The following ZC3H12C variants were observed in gnomAD, a reference collection of about 807,000 sequenced individuals.
The protein encoded by ZC3H12C is zinc finger CCCH-type containing 12C.
ZC3H12C carries 20 observed loss-of-function variants against 76.3 expected under a neutral mutation model. That is an observed-to-expected ratio of 0.26 (90% CI 0.18 to 0.38). The LOEUF is 0.38. Ranked by LOEUF, ZC3H12C falls within the 10% of genes least tolerant of loss-of-function variation. The pLI, the probability that ZC3H12C is intolerant of heterozygous loss-of-function variation, is 1.00. For missense variants in ZC3H12C, 874 were observed against 1,086.5 expected (o/e 0.80, Z 2.75); for synonymous variants, 352 against 399.6 (o/e 0.88, Z 1.42).
intron 1 of ZC3H12C, among the ~76,000 whole-genome samples, chr11:110,129,717 G>A (rs1861824811): frequency 6.6e-6 from 1 of 152,094 alleles, no homozygotes; most frequent in African/African-American, 2.4e-5. Flanking sequence ...GTGCGTGCTT[G>A]TGTTCTACAT....
intron 1 of ZC3H12C, among the ~76,000 whole-genome samples, chr11:110,111,604 T>C (rs1314019474): frequency 8.7e-5 from 13 of 149,312 alleles, no homozygotes; most frequent in African/African-American, 3.2e-4. Context: ...CGATCACGGC[T>C]CACTGCAGCC....
At chr11:110,120,889 G>C (rs1861639951) in intron 1 of ZC3H12C, among the ~76,000 whole-genome samples, 1 of 152,188 alleles carries the variant, frequency 6.6e-6, no homozygotes, top group Non-Finnish European at 1.5e-5. Flanking sequence ...AGTGTTTCAG[G>C]TATGGCTGAG....
At chr11:110,134,476 G>T (rs1455983695) in intron 1 of ZC3H12C, among the ~76,000 whole-genome samples, 1 of 145,248 alleles carries the variant, frequency 6.9e-6, no homozygotes. Flanking sequence ...TTTCTTAACT[G>T]TATCCCTTTA....
At chr11:110,158,489 G>A (rs1467657996) in intron 3 of ZC3H12C, among the ~76,000 whole-genome samples, 3 of 151,580 alleles carry the variant, frequency 2.0e-5, no homozygotes, top group East Asian at 3.9e-4. Flanking sequence ...CAGCCTGGGC[G>A]ATAGACCAAG....
At chr11:110,131,336 T>G (rs11213282) in intron 1 of ZC3H12C, 11,066 of 539,860 alleles carry the variant, frequency 0.02, 966 homozygotes, top group Admixed American at 0.2. Flanking sequence ...TTCATGAACA[T>G]TTATAAGGCA....
chr11:110,122,965 T>C (rs1037121571), intron 1 of ZC3H12C, among the ~76,000 whole-genome samples: 3 of 152,194 alleles, frequency 2.0e-5, no homozygotes, highest in East Asian at 3.8e-4. Flanking sequence ...AAAGGGATAA[T>C]GCACATCCTG....
chr11:110,127,890 A>ACT (rs1861781179), intron 1 of ZC3H12C, among the ~76,000 whole-genome samples: 2 of 145,830 alleles, frequency 1.4e-5, no homozygotes, highest in Non-Finnish European at 3.0e-5. Flanking sequence ...AGTGAGACTT[A>ACT]CTCTCAAAAA....
In ZC3H12C at chr11:110,098,480, G is replaced by C. The variant is rs150035903; in HGVS notation, c.21+5048G>C. ...GGTAGCCTAAGTGTAGAGTGTTTATGAAATCTACAGTAATGTACACTAATA... is the reference window on the plus strand; with the variant it reads ...GGTAGCCTAAGTGTAGAGTGTTTATCAAATCTACAGTAATGTACACTAATA... On this transcript the variant is annotated intron_variant, in intron 1 of 5. Coordinates refer to ENST00000278590, the MANE Select transcript of ZC3H12C (RefSeq NM_033390.2). 3.9e-4 allele frequency among the ~76,000 whole-genome samples: 59 copies of C among 152,278 alleles called. No individual in the cohort carries two copies. In the South Asian group the frequency reaches 0.012, roughly 30 times the overall value.
At chr11:110,163,778 G>A (rs1484411560) in intron 5 of ZC3H12C, among the ~76,000 whole-genome samples, 5 of 152,168 alleles carry the variant, frequency 3.3e-5, no homozygotes, top group Admixed American at 2.6e-4. Flanking sequence ...GCAGGTAGGA[G>A]TTGAGGACAC....
At position 110,131,199 on chromosome 11, in the gene ZC3H12C, A is replaced by G. The variant is rs910264799; in HGVS notation, c.22-5464A>G. On this transcript the variant is annotated intron_variant, in intron 1 of 5. Coordinates refer to ENST00000278590, the MANE Select transcript of ZC3H12C (RefSeq NM_033390.2). ...AACTCTGTAAAAGAAATCACCTCCA[A>G]TGAAAGTCTACAAATTATTACATAG... 6.0e-5 allele frequency: 58 copies of G among 970,038 alleles called. No homozygotes were observed. The Middle Eastern group carries it at 6.2e-4, about 10-fold the overall frequency. The allele number at this position is 970,038 out of a possible 1,614,324, so 60.1% of individuals were successfully genotyped here. A position where few individuals can be genotyped will look rare whatever the true frequency, so the allele number is the denominator to read the frequency against.
chr11:110,143,270 T>C (rs1862098984), intron 2 of ZC3H12C, among the ~76,000 whole-genome samples: 1 of 152,178 alleles, frequency 6.6e-6, no homozygotes, highest in Non-Finnish European at 1.5e-5. Flanking sequence ...GCTGCACTTC[T>C]TCCCCCTGCT....
At chr11:110,120,977 A>G (rs1437796199) in intron 1 of ZC3H12C, among the ~76,000 whole-genome samples, 1 of 152,210 alleles carries the variant, frequency 6.6e-6, no homozygotes, top group Non-Finnish European at 1.5e-5. Flanking sequence ...ACTTGGGAAG[A>G]AAGAAACTCT....
intron 1 of ZC3H12C, among the ~76,000 whole-genome samples, chr11:110,126,856 C>T (rs1308472970): frequency 6.6e-6 from 1 of 151,874 alleles, no homozygotes; most frequent in African/African-American, 2.4e-5. Context: ...CTTTTTCTAC[C>T]CCATATTAAT....
chr11:110,171,107 A>G lies in ZC3H12C; in HGVS notation c.*5370A>G, dbSNP rs983620017. On this transcript the variant is annotated 3_prime_UTR_variant, in exon 6 of 6. Transcript: ENST00000278590. ...TTTTCTGTCCAAGTGTTTCAGATGA[A>G]TAACAAAACGCTGTTCATTGAAGCT... is the stretch of plus-strand genomic sequence containing the variant. 6.6e-6 allele frequency: 1 copy of G among 152,270 alleles called. No homozygotes were observed. Among genetic ancestry groups the G allele is most frequent in the African/African-American group, 2.4e-5 (1 of 41,480 alleles). The allele number at this position is 152,270 out of a possible 1,614,324, so 9.4% of individuals were successfully genotyped here.
intron 1 of ZC3H12C, among the ~76,000 whole-genome samples, chr11:110,094,032 G>C (rs1362021405): frequency 6.6e-6 from 1 of 152,032 alleles, no homozygotes; most frequent in African/African-American, 2.4e-5. Flanking sequence ...GTTCATTTTA[G>C]CTCGGCTGTT....
Position 110,169,481 on chromosome 11 carries a change from TCAAGA to T in ZC3H12C, c.*3745_*3749del. On this transcript the variant is annotated 3_prime_UTR_variant, in exon 6 of 6. Coordinates refer to ENST00000278590, the MANE Select transcript of ZC3H12C (RefSeq NM_033390.2). ...TCTTTTTGCTCTCCAACTTCCTTAT[TCAAGA>T]TAAAATAAGACATACAGTTTTCTGG... The T allele has an allele frequency of 6.6e-6, 1 of 151,986 alleles. No homozygotes were observed. Among genetic ancestry groups the T allele is most frequent in the Non-Finnish European group, 1.5e-5 (1 of 67,972 alleles). The allele number at this position is 151,986 out of a possible 1,614,324, so 9.4% of individuals were successfully genotyped here.
chr11:110,167,229 T>G lies in ZC3H12C; in HGVS notation c.*1492T>G, dbSNP rs1176241546. The stretch of plus-strand genomic sequence containing the variant: ...TTATCCTACATGCTACAGTTTGAAG[T>G]GAAGCCCTGAAAAACCAGAAAGTAC... On this transcript the variant is annotated 3_prime_UTR_variant, in exon 6 of 6. Transcript: ENST00000278590. 1.3e-5 allele frequency: 2 copies of G among 152,214 alleles called. No homozygotes were observed. The highest frequency in any genetic ancestry group is 2.4e-5 in the African/African-American group (1 of 41,452). The allele number at this position is 152,214 out of a possible 1,614,324, so 9.4% of individuals were successfully genotyped here. A position where few individuals can be genotyped will look rare whatever the true frequency, so the allele number is the denominator to read the frequency against.
At chr11:110,148,656 G>A (rs1391991489) in intron 2 of ZC3H12C, among the ~76,000 whole-genome samples, 1 of 152,110 alleles carries the variant, frequency 6.6e-6, no homozygotes, top group Non-Finnish European at 1.5e-5. Context: ...CAAATTGTTG[G>A]GATAAAAAAG....
chr11:110,095,623 C>A (rs574028009), intron 1 of ZC3H12C, among the ~76,000 whole-genome samples: 1 of 152,250 alleles, frequency 6.6e-6, no homozygotes, highest in Non-Finnish European at 1.5e-5. Flanking sequence ...AGGCCCCCGA[C>A]CTCTAAAAGG....
Sources: gnomAD v4.1 joint callset for allele counts (sites outside exome capture counted in the v4.1 genomes callset) on GRCh38, gnomAD v4.1.1 for gene constraint, MANE v1.5 for transcripts, NCBI Gene and HGNC (gene_info 2026-07-23, HGNC 2026-07-21) for gene names.